Variants in SLC28A1 observed in about 807,000 individuals in gnomAD.
The protein encoded by SLC28A1 is solute carrier family 28 member 1.
A neutral mutation model predicts 74.8 loss-of-function variants in SLC28A1; 64 were observed. That is an observed-to-expected ratio of 0.86 (90% CI 0.70 to 1.05). The LOEUF (loss-of-function observed/expected upper bound fraction) is 1.05. Among genes scored for constraint, SLC28A1 ranks in the 50% least tolerant of loss-of-function variants. The pLI, the probability that SLC28A1 is intolerant of heterozygous loss-of-function variation, is 0.00. For missense variants in SLC28A1, 828 were observed against 822.8 expected (o/e 1.01, Z -0.08); for synonymous variants, 359 against 335.0 (o/e 1.07, Z -0.78).
At chr15:84,956,309 T>C in the SLC28A1 span, among the ~76,000 whole-genome samples, 1 of 152,178 alleles carries the variant, frequency 6.6e-6, no homozygotes, top group Non-Finnish European at 1.5e-5. Context: ...ATTCCATTAA[T>C]GTGTTTCTGT....
chr15:84,940,557 T>C (rs1167780186), intron 15 of SLC28A1: 1 of 153,684 alleles, frequency 6.5e-6, no homozygotes, highest in Non-Finnish European at 1.5e-5. Flanking sequence ...CCTCTTCCTC[T>C]TTCTCATGTT....
intron 4 of SLC28A1, among the ~76,000 whole-genome samples, chr15:84,889,607 G>A (rs189510658): frequency 1.3e-5 from 2 of 152,128 alleles, no homozygotes; most frequent in Non-Finnish European, 2.9e-5. Flanking sequence ...AACGACAGGG[G>A]AGGGGAGGCA....
the SLC28A1 span, among the ~76,000 whole-genome samples, chr15:84,967,916 A>G: frequency 1.3e-5 from 2 of 152,250 alleles, no homozygotes; most frequent in East Asian, 3.9e-4. Context: ...CACTAGACGC[A>G]CTTCAGAGGC....
At position 84,886,402 on chromosome 15, in the gene SLC28A1, A is replaced by G. The variant is rs537804576; in HGVS notation, c.-132-270A>G. 1.8e-5 allele frequency: 18 copies of G among 985,236 alleles called. No individual in the cohort carries two copies. The African/African-American group carries it at 2.6e-4, about 14-fold the overall frequency. The allele number at this position is 985,236 out of a possible 1,614,324, so 61.0% of individuals were successfully genotyped here. Reference sequence around the variant, plus strand: ...AGGAAGGAGGGGGAGGGAAATAATCACATAGGTGGCTTCCTGGAAGAAGCG... The same window carrying G: ...AGGAAGGAGGGGGAGGGAAATAATCGCATAGGTGGCTTCCTGGAAGAAGCG... On this transcript the variant is annotated intron_variant, in intron 1 of 18. Transcript: ENST00000394573.
chr15:84,945,197 G>A lies in SLC28A1; in HGVS notation c.1947G>A (p.Gln649=). The change falls in exon 19 of 19, where the codon CAG becomes CAA. Residue 649 remains glutamine, a synonymous_variant. Transcript: ENST00000394573. ...TTTACAACCACACGATCTGTGCACA[G>A]TGAGGACAGAACATGCTTGTGCTTC... ...CRFYNHTICA[Q] is the part of the protein sequence containing the mutation. 1 of 1,613,778 alleles carries A rather than the reference G, an allele frequency of 6.2e-7. No homozygotes were observed. The highest frequency in any genetic ancestry group is 8.5e-7 in the Non-Finnish European group (1 of 1,179,682).
Position 84,905,587 on chromosome 15 carries a change from G to A in SLC28A1, c.652G>A (p.Gly218Arg), listed in dbSNP as rs375178795. 3.1e-6 allele frequency: 5 copies of A among 1,614,012 alleles called. No individual in the cohort carries two copies. Among genetic ancestry groups the A allele is most frequent in the Non-Finnish European group, 4.2e-6 (5 of 1,180,004 alleles). Residue 218 changes from glycine to arginine, a missense_variant, in exon 8 of 19, where the codon GGA becomes AGA. Transcript: ENST00000394573. ...GGGACTTGGACTGCAGTTTGTACTT[G>A]GACTCCTCGTCATCAGAACAGAACC... ...SWGLGLQFVL[G>R]LLVIRTEPGF...
the SLC28A1 span, among the ~76,000 whole-genome samples, chr15:84,963,361 G>A: frequency 6.6e-6 from 1 of 152,114 alleles, no homozygotes; most frequent in Non-Finnish European, 1.5e-5. Flanking sequence ...GTGTTTCCCT[G>A]GACAGGGAGC....
In SLC28A1 at chr15:84,940,342, G is replaced by A. The variant is rs531535492; in HGVS notation, c.1582-3103G>A. 2.0e-5 allele frequency among the ~76,000 whole-genome samples: 3 copies of A among 152,178 alleles called. 1 individual carries two copies. The South Asian group carries it at 6.2e-4, about 32-fold the overall frequency. On this transcript the variant is annotated intron_variant, in intron 15 of 18. Coordinates refer to ENST00000394573, the MANE Select transcript of SLC28A1 (RefSeq NM_004213.5). ...TACCACCAGGACAGAGTTATCTAAAGACACATTGGGTAGTATGTAACTATG... is the reference window on the plus strand; with the variant it reads ...TACCACCAGGACAGAGTTATCTAAAAACACATTGGGTAGTATGTAACTATG...
At chr15:84,948,627 G>A (rs2079312082), downstream of SLC28A1, among the ~76,000 whole-genome samples, 1 of 152,170 alleles carries the variant, frequency 6.6e-6, no homozygotes, top group Non-Finnish European at 1.5e-5. Context: ...CTGCAGCCCA[G>A]TTGTTCTGCT....
At chr15:84,912,061 G>A (rs541058246) in intron 9 of SLC28A1, among the ~76,000 whole-genome samples, 18 of 152,262 alleles carry the variant, frequency 1.2e-4, no homozygotes, top group Middle Eastern at 3.4e-3. Context: ...TTCCTGGACC[G>A]TGTATTGGCT....
chr15:84,935,554 T>C (rs1971784033), intron 15 of SLC28A1, 36 bp downstream of exon 15: 1 of 1,565,434 alleles, frequency 6.4e-7, no homozygotes, highest in Non-Finnish European at 8.8e-7. Context: ...AGCAGGGGGA[T>C]GACACGGCAC....
the SLC28A1 span, among the ~76,000 whole-genome samples, chr15:84,969,258 C>T: frequency 6.6e-6 from 1 of 152,274 alleles, no homozygotes; most frequent in East Asian, 1.9e-4. Flanking sequence ...GAGGTTGCCA[C>T]CACGGGCCAG....
At chr15:84,926,005 G>A in intron 12 of SLC28A1, among the ~76,000 whole-genome samples, 1 of 148,288 alleles carries the variant, frequency 6.7e-6, no homozygotes, top group South Asian at 2.1e-4. Context: ...AGGCCTATCA[G>A]TCTATTTATT....
At chr15:84,887,611 G>A in intron 2 of SLC28A1, 134 bp from the exon 3 acceptor site, 5 of 1,528,548 alleles carry the variant, frequency 3.3e-6, no homozygotes, top group Middle Eastern at 2.2e-4. Context: ...GGCATAGGTG[G>A]CCCCCAGGCA....
rs546237393 is a variant in SLC28A1, at chr15:84,884,844, C to A, written c.-133+93C>A. The A allele has an allele frequency of 1.5e-4, 99 of 643,984 alleles. 1 individual carries two copies. In the South Asian group the frequency reaches 5.7e-3, roughly 37 times the overall value. 39.9% of individuals were successfully genotyped at this position (643,984 alleles called of 1,614,324 possible). A position where few individuals can be genotyped will look rare whatever the true frequency, so the allele number is the denominator to read the frequency against. ...CAGGGCAAAGTGGAAAAGCAGGTAG[C>A]GTCCTTTTTTTCTTCACTAGGGCTT... On this transcript the variant is annotated intron_variant, in intron 1 of 18. Coordinates refer to ENST00000394573, the MANE Select transcript of SLC28A1 (RefSeq NM_004213.5).
chr15:84,893,069 A>C (rs943760226), intron 5 of SLC28A1, among the ~76,000 whole-genome samples: 2 of 147,418 alleles, frequency 1.4e-5, no homozygotes, highest in South Asian at 2.2e-4. Context: ...GCCTGCCCAG[A>C]CCCCCCCAGC....
chr15:84,948,035 G>A (rs1434219830), downstream of SLC28A1, among the ~76,000 whole-genome samples: 1 of 152,144 alleles, frequency 6.6e-6, no homozygotes, highest in Non-Finnish European at 1.5e-5. Context: ...TGTATAACTT[G>A]TAATTCAGCC....
intron 6 of SLC28A1, chr15:84,895,395 G>A (rs751074611): frequency 2.4e-5 from 38 of 1,613,928 alleles, no homozygotes; most frequent in Non-Finnish European, 3.1e-5. Flanking sequence ...AGGCCATGGA[G>A]CAAGGAGGGC....
In SLC28A1 at chr15:84,906,654, C is replaced by CT. The variant is rs967875639; in HGVS notation, c.717+1014dup. Among the ~76,000 whole-genome samples, 178 of 120,736 alleles carry CT rather than the reference C, an allele frequency of 1.5e-3. 1 individual carries two copies. Among genetic ancestry groups the CT allele is most frequent in the African/African-American group, 4.3e-3 (140 of 32,204 alleles). 79.2% of individuals were successfully genotyped at this position (120,736 alleles called of 152,430 possible). On this transcript the variant is annotated intron_variant, in intron 8 of 18. Transcript: ENST00000394573. ...CCTTCCTTTCTTCCTTCCTTCCTTT[C>CT]TTTTTTTTTTTTAGGTACAGGGTCT...
Sources: gnomAD v4.1 joint callset for allele counts (sites outside exome capture counted in the v4.1 genomes callset) on GRCh38, gnomAD v4.1.1 for gene constraint, MANE v1.5 for transcripts, NCBI Gene and HGNC (gene_info 2026-07-23, HGNC 2026-07-21) for gene names.